The following CARS2 variants were observed in gnomAD, a reference collection of about 807,000 sequenced individuals.
CARS2 encodes the protein cysteinyl-tRNA synthetase 2, mitochondrial.
A neutral mutation model predicts 68.8 loss-of-function variants in CARS2; 52 were observed. The observed-to-expected ratio is 0.76, with a 90% CI of 0.61 to 0.95. CARS2 has a LOEUF of 0.95. CARS2 is among the 40% of genes least tolerant of loss of function. CARS2 has a pLI of 0.00. For missense variants in CARS2, 780 were observed against 754.2 expected (o/e 1.03, Z -0.40); for synonymous variants, 314 against 303.6 (o/e 1.03, Z -0.36).
In CARS2 at chr13:110,676,147, T is replaced by C. The variant is rs983787814; in HGVS notation, c.785+827A>G. Among the ~76,000 whole-genome samples, 1 of 152,130 alleles carries C rather than the reference T, an allele frequency of 6.6e-6. No homozygotes were observed. Among genetic ancestry groups the C allele is most frequent in the African/African-American group, 2.4e-5 (1 of 41,430 alleles). The stretch of plus-strand genomic sequence containing the variant: ...CCAACCTGGGCAAGAAGAGTGAACC[T>C]CCGTCTCAAAACAAAAAAACAGGAA... On this transcript the variant is annotated intron_variant, in intron 7 of 14. Transcript: ENST00000257347. The surrounding 1 kb of genome is among the most constrained non-coding windows in gnomAD (Gnocchi z 4.0).
intron 3 of CARS2, among the ~76,000 whole-genome samples, chr13:110,697,326 T>C (rs1485492706): frequency 6.6e-6 from 1 of 152,226 alleles, no homozygotes; most frequent in Non-Finnish European, 1.5e-5. Flanking sequence ...TGTGAAGAAA[T>C]ACATTTAAAG....
intron 1 of CARS2, chr13:110,713,046 G>T (rs749184874): frequency 5.4e-6 from 8 of 1,467,924 alleles, no homozygotes; most frequent in South Asian, 1.3e-5. Flanking sequence ...CGCATGCGCC[G>T]CCACTTCCGC....
chr13:110,675,707 G>GA (rs113383198), intron 7 of CARS2, among the ~76,000 whole-genome samples: 1,885 of 147,892 alleles, frequency 0.013, 45 homozygotes, highest in African/African-American at 0.041. Context: ...AAAATATAAT[G>GA]AAAAAAAAAA....
rs1594329246 is a variant in CARS2, at chr13:110,676,853, A to C, written c.785+121T>G. 1 of 943,114 alleles carries C rather than the reference A, an allele frequency of 1.1e-6. No individual in the cohort carries two copies. Among genetic ancestry groups the C allele is most frequent in the South Asian group, 2.5e-5 (1 of 40,500 alleles). The allele number at this position is 943,114 out of a possible 1,614,324, so 58.4% of individuals were successfully genotyped here. A position where few individuals can be genotyped will look rare whatever the true frequency, so the allele number is the denominator to read the frequency against. ...CACACTCCGGCAAAAATCTCTTCCC[A>C]AAAAATCACCCATGGGCACACGTGC... On this transcript the variant is annotated intron_variant, in intron 7 of 14. Coordinates refer to ENST00000257347, the MANE Select transcript of CARS2 (RefSeq NM_024537.4). This position sits in a 1 kb window ranked among gnomAD's most constrained non-coding sequence, Gnocchi z 4.0.
At chr13:110,688,095 C>CGTGCACAACACGACAGCAAACAT (rs2139861901) in intron 3 of CARS2, 77 bp from the exon 4 acceptor site, 1 of 972,052 alleles carries the variant, frequency 1.0e-6, no homozygotes, top group East Asian at 2.6e-5. Context: ...AGAAAGCCCA[C>CGTGCACAACACGACAGCAAACAT]GTGCACAACA....
intron 4 of CARS2, 28 bp from the exon 5 acceptor site, chr13:110,687,854 T>C: frequency 6.4e-7 from 1 of 1,569,790 alleles, no homozygotes. Context: ...CGTGACCGTG[T>C]TTCCCTCGTG....
Position 110,679,217 on chromosome 13 carries a change from A to G in CARS2, c.656-2114T>C, listed in dbSNP as rs560927714. On this transcript the variant is annotated intron_variant, in intron 6 of 14. Transcript: ENST00000257347. ...CCATGGTGCCCATGCTGTGTTCTCAAAACACCATTTCCCATTAAAAGTAAA... is the reference window on the plus strand; with the variant it reads ...CCATGGTGCCCATGCTGTGTTCTCAGAACACCATTTCCCATTAAAAGTAAA... Among the ~76,000 whole-genome samples the G allele has an allele frequency of 1.6e-4, 25 of 152,270 alleles. No homozygotes were observed. The South Asian group carries it at 5.2e-3, about 32-fold the overall frequency.
At chr13:110,656,508 G>A (rs2062370433) in intron 9 of CARS2, among the ~76,000 whole-genome samples, 1 of 152,194 alleles carries the variant, frequency 6.6e-6, no homozygotes, top group Non-Finnish European at 1.5e-5. Context: ...ACAGAAAGTA[G>A]ATGAGCGGCT....
At chr13:110,681,490 C>T (rs1260309661) in intron 6 of CARS2, among the ~76,000 whole-genome samples, 1 of 152,102 alleles carries the variant, frequency 6.6e-6, no homozygotes, top group African/African-American at 2.4e-5. Context: ...GGGACTTATT[C>T]CTCACTGGTG....
intron 10 of CARS2, chr13:110,648,298 G>C (rs992388560): frequency 6.6e-6 from 1 of 152,206 alleles, no homozygotes; most frequent in African/African-American, 2.4e-5. Flanking sequence ...ATGCATGGGA[G>C]GCTGTTAGAA....
chr13:110,642,721 T>G (rs779828845), intron 13 of CARS2, 200 bp from the exon 14 acceptor site: 4 of 758,322 alleles, frequency 5.3e-6, no homozygotes, highest in Middle Eastern at 2.3e-4. Context: ...TCCACTCAAC[T>G]CTGAGCATCT....
chr13:110,682,772 T>C (rs2063193286), intron 6 of CARS2, among the ~76,000 whole-genome samples: 1 of 152,010 alleles, frequency 6.6e-6, no homozygotes, highest in African/African-American at 2.4e-5. Flanking sequence ...CTGAAAACCC[T>C]GGGGAGGAAA....
Position 110,647,163 on chromosome 13 carries a change from T to G in CARS2, c.1131A>C (p.Ala377=). 1 of 1,612,234 alleles carries G rather than the reference T, an allele frequency of 6.2e-7. No individual in the cohort carries two copies. The highest frequency in any genetic ancestry group is 8.5e-7 in the Non-Finnish European group (1 of 1,179,574). The stretch of plus-strand genomic sequence containing the variant: ...CCAGCTGCCCCTTCATGTAGGCACG[T>G]GCGTCCTCCAGGAAAGAGCCCAGCC... ...LLGLGSFLED[A]RAYMKGQLAC... Residue 377 remains alanine (A), a synonymous_variant, in exon 11 of 15, where the codon GCA becomes GCC. Coordinates refer to ENST00000257347, the MANE Select transcript of CARS2 (RefSeq NM_024537.4).
rs2063695621 is a variant in CARS2, at chr13:110,698,685, C to G, written c.393+2753G>C. 2.0e-5 allele frequency among the ~76,000 whole-genome samples: 3 copies of G among 151,958 alleles called. No homozygotes were observed. In the South Asian group the frequency reaches 6.2e-4, roughly 31 times the overall value. Reference sequence around the variant, plus strand: ...GATTAGGCCGTGAGGGCCCCACCCTCTTGGATGGGCTTCATGCCTTCTTAA... The same window carrying G: ...GATTAGGCCGTGAGGGCCCCACCCTGTTGGATGGGCTTCATGCCTTCTTAA... On this transcript the variant is annotated intron_variant, in intron 3 of 14. Coordinates refer to ENST00000257347, the MANE Select transcript of CARS2 (RefSeq NM_024537.4).
intron 3 of CARS2, among the ~76,000 whole-genome samples, chr13:110,693,928 G>C (rs1172740569): frequency 1.3e-5 from 2 of 152,108 alleles, no homozygotes; most frequent in African/African-American, 4.8e-5. Context: ...CCTTCTTCCA[G>C]AAAGCCAGGG....
At chr13:110,655,352 A>G (rs1260464635) in intron 9 of CARS2, among the ~76,000 whole-genome samples, 1 of 152,204 alleles carries the variant, frequency 6.6e-6, no homozygotes, top group Non-Finnish European at 1.5e-5. Context: ...AAATGCACAT[A>G]CCCTAGTGGA....
intron 3 of CARS2, among the ~76,000 whole-genome samples, chr13:110,688,313 G>C (rs193083363): frequency 6.6e-6 from 1 of 152,334 alleles, no homozygotes; most frequent in East Asian, 1.9e-4. Flanking sequence ...GCTGGGTGCA[G>C]CGGCTCACGC....
intron 7 of CARS2, among the ~76,000 whole-genome samples, chr13:110,673,668 C>G (rs1368697387): frequency 6.6e-6 from 1 of 151,676 alleles, no homozygotes; most frequent in Admixed American, 6.6e-5. Flanking sequence ...CAGGGATGCC[C>G]TCTCTCACCA....
At chr13:110,701,089 CAG>C (rs1401803136) in intron 3 of CARS2, among the ~76,000 whole-genome samples, 1 of 151,190 alleles carries the variant, frequency 6.6e-6, no homozygotes, top group East Asian at 1.9e-4. Flanking sequence ...TTTTTTGAGA[CAG>C]AGTCTCCATG....
Sources: gnomAD v4.1 joint callset for allele counts (sites outside exome capture counted in the v4.1 genomes callset) on GRCh38, gnomAD v4.1.1 for gene constraint, Gnocchi (gnomAD v3.1) non-coding constraint, MANE v1.5 for transcripts, NCBI Gene and HGNC (gene_info 2026-07-23, HGNC 2026-07-21) for gene names.